ZNF518A: variants seen among roughly 807,000 people sequenced by gnomAD.
ZNF518A encodes the protein zinc finger protein 518A, also known as zinc finger protein 518.
A neutral mutation model predicts 102.7 loss-of-function variants in ZNF518A; 47 were observed. The observed-to-expected ratio is 0.46, with a 90% CI of 0.36 to 0.58. The LOEUF is 0.58. Among genes scored for constraint, ZNF518A ranks in the 20% least tolerant of loss-of-function variants. The probability of loss-of-function intolerance (pLI) is 0.00; values close to 1 mark genes in which losing one functional copy is unlikely to be tolerated. For missense variants in ZNF518A, 1,793 were observed against 1,699.8 expected, an observed-to-expected ratio of 1.05 and a Z score of -0.96; for synonymous variants, 652 against 594.6, an observed-to-expected ratio of 1.10 and a Z score of -1.40.
At position 96,156,317 on chromosome 10, in the gene ZNF518A, TAAATC is replaced by T; in HGVS notation, c.-4_1del. 1 of 1,551,528 alleles carries T rather than the reference TAAATC, an allele frequency of 6.4e-7. No homozygotes were observed. The highest frequency in any genetic ancestry group is 8.6e-7 in the Non-Finnish European group (1 of 1,156,428). ...AAAAAGAAATTGGGACTTTTTTGGT[TAAATC>T]ATGCCATCTGAACAGAAACAGTTAT... is the stretch of plus-strand genomic sequence containing the variant. On this transcript the variant is annotated 5_prime_UTR_variant, in exon 6 of 6. Coordinates refer to ENST00000316045, the MANE Select transcript of ZNF518A (RefSeq NM_001330736.2).
Position 96,156,328 on chromosome 10 carries a change from A to G in ZNF518A, c.6A>G (p.Pro2=), listed in dbSNP as rs782126531. The G allele has an allele frequency of 1.9e-6, 3 of 1,566,486 alleles. No individual in the cohort carries two copies. The highest frequency in any genetic ancestry group is 2.1e-5 in the Admixed American group (1 of 47,538). M[P]SEQKQLFCDE... ...GGGACTTTTTTGGTTAAATCATGCC[A>G]TCTGAACAGAAACAGTTATTTTGTG... is the stretch of plus-strand genomic sequence containing the variant. Residue 2 remains proline, a synonymous_variant, in exon 6 of 6, where the codon CCA becomes CCG. Transcript: ENST00000316045.
At position 96,157,861 on chromosome 10, in the gene ZNF518A, A is replaced by G. The variant is rs781943836; in HGVS notation, c.1539A>G (p.Pro513=). ...CAGTTTATATGAAAGCAGCTACTCCATTTTCATGTTCATCTTCTATACTTT... is the reference window on the plus strand; with the variant it reads ...CAGTTTATATGAAAGCAGCTACTCCGTTTTCATGTTCATCTTCTATACTTT... ...NDTVYMKAAT[P]FSCSSSILSG... Residue 513 remains proline, a synonymous_variant, in exon 6 of 6, where the codon CCA becomes CCG. Coordinates refer to ENST00000316045, the MANE Select transcript of ZNF518A (RefSeq NM_001330736.2). 6.2e-6 allele frequency: 10 copies of G among 1,613,778 alleles called. No individual in the cohort carries two copies. Among genetic ancestry groups the G allele is most frequent in the Non-Finnish European group, 8.5e-6 (10 of 1,179,788 alleles).
At chr10:96,181,920 C>T (rs1191515636) in intron 1 of ZNF518A, among the ~76,000 whole-genome samples, 1 of 152,058 alleles carries the variant, frequency 6.6e-6, no homozygotes, top group Admixed American at 6.5e-5. Context: ...CTATAAATTA[C>T]CTTGGGTAGT....
intron 1 of ZNF518A, among the ~76,000 whole-genome samples, chr10:96,171,149 T>C (rs1554890866): frequency 6.6e-6 from 1 of 152,126 alleles, no homozygotes; most frequent in African/African-American, 2.4e-5. Context: ...AGGTTACATG[T>C]AATGTTACCC....
At position 96,160,587 on chromosome 10, in the gene ZNF518A, T is replaced by C. The variant is rs1554887459; in HGVS notation, c.4265T>C (p.Leu1422Pro). Residue 1422 changes from leucine (L) to proline (P), a missense_variant, in exon 6 of 6, where the codon CTA becomes CCA. By Grantham distance (98) the Leu-to-Pro change is moderately conservative. Coordinates refer to ENST00000316045, the MANE Select transcript of ZNF518A (RefSeq NM_001330736.2). The stretch of plus-strand genomic sequence containing the variant: ...AGTTCTGTGAAAGAAAGATTTGTGC[T>C]AAAATTAACACTCAAAAAGACAAGC... ...PVSSVKERFV[L>P]KLTLKKTSKN... is the part of the protein sequence containing the mutation. 1.2e-6 allele frequency: 2 copies of C among 1,611,922 alleles called. No individual in the cohort carries two copies.
intron 3 of ZNF518A, among the ~76,000 whole-genome samples, chr10:96,138,674 C>T (rs1343975687): frequency 3.3e-5 from 5 of 152,030 alleles, no homozygotes; most frequent in African/African-American, 1.2e-4. Context: ...AAAATGTTAC[C>T]TCCGTGAGGG....
chr10:96,160,781 A>G lies in ZNF518A; in HGVS notation c.*7A>G, dbSNP rs370172816. On this transcript the variant is annotated 3_prime_UTR_variant, in exon 6 of 6. Transcript: ENST00000316045. ...TTGGAACATGTTAGAATAGTTTACCATAATTACCAAGGAAAAGAAAAGTAA... is the reference window on the plus strand; with the variant it reads ...TTGGAACATGTTAGAATAGTTTACCGTAATTACCAAGGAAAAGAAAAGTAA... 7.2e-6 allele frequency: 11 copies of G among 1,529,646 alleles called. No homozygotes were observed. In the African/African-American group the frequency reaches 1.3e-4, roughly 17 times the overall value. The allele number at this position is 1,529,646 out of a possible 1,614,324, so 94.8% of individuals were successfully genotyped here. A position where few individuals can be genotyped will look rare whatever the true frequency, so the allele number is the denominator to read the frequency against.
chr10:96,204,542 G>A (rs1554896948), downstream of ZNF518A: 2 of 1,614,034 alleles, frequency 1.2e-6, no homozygotes, highest in Non-Finnish European at 8.5e-7. Context: ...TTCTGGGCAG[G>A]AGGAAACACT....
chr10:96,192,612 T>A (rs587758596), intron 1 of ZNF518A, among the ~76,000 whole-genome samples: 1 of 152,320 alleles, frequency 6.6e-6, no homozygotes, highest in Admixed American at 6.5e-5. Flanking sequence ...TTTACTTGGT[T>A]CCTGGTAAGC....
At position 96,170,543 on chromosome 10, in the gene ZNF518A, CTGT is replaced by C. The variant is rs137860674; in HGVS notation, n.35+14501_35+14503del. Among the ~76,000 whole-genome samples, 64 of 152,292 alleles carry C rather than the reference CTGT, an allele frequency of 4.2e-4. No homozygotes were observed. The East Asian group carries it at 0.012, about 27-fold the overall frequency. The stretch of plus-strand genomic sequence containing the variant: ...TAGAGTAACTTAAAATACCACAAAG[CTGT>C]TGTTCTGAGATTCAGCCATTTTTCT... On this transcript the variant is annotated intron_variant and non_coding_transcript_variant, in intron 1 of 2. Coordinates refer to the ZNF518A transcript ENST00000442635.
chr10:96,182,290 C>G (rs1289823320), intron 1 of ZNF518A, among the ~76,000 whole-genome samples: 3 of 152,180 alleles, frequency 2.0e-5, no homozygotes, highest in Non-Finnish European at 4.4e-5. Flanking sequence ...GACAGTTAGA[C>G]TTCCTCATTT....
At chr10:96,170,332 C>G (rs2083166421) in intron 1 of ZNF518A, among the ~76,000 whole-genome samples, 1 of 152,204 alleles carries the variant, frequency 6.6e-6, no homozygotes, top group African/African-American at 2.4e-5. Context: ...AACTTTAGCT[C>G]TGGACCAACT....
downstream of ZNF518A, among the ~76,000 whole-genome samples, chr10:96,168,701 G>C (rs1210456876): frequency 2.0e-5 from 3 of 152,090 alleles, no homozygotes; most frequent in Non-Finnish European, 4.4e-5. Flanking sequence ...TGGCCTCCGT[G>C]ATTTCTGATG....
chr10:96,180,145 G>T (rs1279699649), intron 1 of ZNF518A, among the ~76,000 whole-genome samples: 1 of 146,980 alleles, frequency 6.8e-6, no homozygotes, highest in Non-Finnish European at 1.5e-5. Context: ...CTCCCAAAAT[G>T]CTGGGGTTAC....
At chr10:96,149,764 T>A (rs1354398975) in intron 3 of ZNF518A, among the ~76,000 whole-genome samples, 1 of 152,234 alleles carries the variant, frequency 6.6e-6, no homozygotes, top group Non-Finnish European at 1.5e-5. Flanking sequence ...AAATATTTGA[T>A]GTCACAGGTG....
intron 1 of ZNF518A, among the ~76,000 whole-genome samples, chr10:96,174,019 T>C (rs1429141053): frequency 6.6e-6 from 1 of 152,084 alleles, no homozygotes; most frequent in Non-Finnish European, 1.5e-5. Context: ...ATGAATCAAG[T>C]AACAAACTTT....
Position 96,160,045 on chromosome 10 carries a change from T to C in ZNF518A, c.3723T>C (p.Ile1241=). 2 of 1,610,644 alleles carry C rather than the reference T, an allele frequency of 1.2e-6. No homozygotes were observed. Among genetic ancestry groups the C allele is most frequent in the Non-Finnish European group, 1.7e-6 (2 of 1,179,010 alleles). Residue 1241 remains isoleucine, a synonymous_variant, in exon 6 of 6, where the codon ATT becomes ATC. Coordinates refer to ENST00000316045, the MANE Select transcript of ZNF518A (RefSeq NM_001330736.2). ...TAAGGTGTAAAACAAATTGTAGAAT[T>C]GAGAGGAACTTCAATAGAAAAAAGA... ...RVLRCKTNCR[I]ERNFNRKKTS...
intron 1 of ZNF518A, among the ~76,000 whole-genome samples, chr10:96,190,513 A>G (rs184328584): frequency 1.3e-5 from 2 of 152,194 alleles, no homozygotes; most frequent in Non-Finnish European, 2.9e-5. Flanking sequence ...GGACTTCAAC[A>G]TATCTTTTTG....
Position 96,156,646 on chromosome 10 carries a change from G to A in ZNF518A, c.324G>A (p.Glu108=), listed in dbSNP as rs782235743. 3 of 1,613,714 alleles carry A rather than the reference G, an allele frequency of 1.9e-6. No individual in the cohort carries two copies. Among genetic ancestry groups the A allele is most frequent in the Admixed American group, 3.3e-5 (2 of 59,998 alleles). Residue 108 remains glutamate (E), a synonymous_variant, in exon 6 of 6, where the codon GAG becomes GAA. Transcript: ENST00000316045. ...LLHKSERAEE[E]GVKMSAKILN... ...ATAAGTCTGAGAGAGCTGAAGAAGA[G>A]GGTGTAAAAATGTCTGCAAAAATAC... is the stretch of plus-strand genomic sequence containing the variant.
Sources: allele counts gnomAD v4.1 joint callset (sites outside exome capture counted in the v4.1 genomes callset), GRCh38; gene constraint gnomAD v4.1.1; transcripts MANE v1.5; gene names NCBI Gene and HGNC (gene_info 2026-07-23, HGNC 2026-07-21).